The following ARHGAP10 variants were observed in gnomAD, a reference collection of about 807,000 sequenced individuals.
ARHGAP10 encodes the protein Rho GTPase activating protein 10.
In ARHGAP10, 87 loss-of-function variants were observed where a neutral mutation model predicts 108.6. That is an observed-to-expected ratio of 0.80 (90% CI 0.67 to 0.96). The LOEUF (loss-of-function observed/expected upper bound fraction) is 0.96. Ranked by LOEUF, ARHGAP10 falls within the 40% of genes least tolerant of loss-of-function variation. The probability of loss-of-function intolerance (pLI) is 0.00; values close to 1 mark genes in which losing one functional copy is unlikely to be tolerated. For synonymous variants in ARHGAP10, 347 were observed against 341.1 expected (o/e 1.02, Z -0.19); for missense variants, 939 against 954.5 (o/e 0.98, Z 0.21).
chr4:148,020,777 C>G (rs1741539246), intron 18 of ARHGAP10, among the ~76,000 whole-genome samples: 1 of 152,078 alleles, frequency 6.6e-6, no homozygotes. Context: ...ATCTTTATAA[C>G]AGAATGATTT....
chr4:147,879,729 G>A (rs1239307822), intron 9 of ARHGAP10, among the ~76,000 whole-genome samples: 1 of 148,418 alleles, frequency 6.7e-6, no homozygotes, highest in Non-Finnish European at 1.5e-5. Flanking sequence ...AGTGTGTGAT[G>A]TTCCCCTCCC....
At position 147,965,060 on chromosome 4, in the gene ARHGAP10, A is replaced by G. The variant is rs1347266292; in HGVS notation, c.1487A>G (p.His496Arg). The G allele has an allele frequency of 1.9e-6, 3 of 1,605,328 alleles. No homozygotes were observed. The highest frequency in any genetic ancestry group is 2.6e-6 in the Non-Finnish European group (3 of 1,175,838). ...CCAGAATCTCGTGTTAATGCGATCC[A>G]TTTCTTGGTACACAAACTGCCAGAG... is the stretch of plus-strand genomic sequence containing the variant. ...GSPESRVNAIHFLVHKLPEKN... is the reference protein window; with the variant it reads ...GSPESRVNAIRFLVHKLPEKN... Residue 496 changes from histidine (H) to arginine (R), a missense_variant, in exon 17 of 23, where the codon CAT becomes CGT. Coordinates refer to ENST00000336498, the MANE Select transcript of ARHGAP10 (RefSeq NM_024605.4).
At position 148,072,030 on chromosome 4, in the gene ARHGAP10, T is replaced by A; in HGVS notation, c.2310T>A (p.Thr770=). 1.9e-6 allele frequency: 3 copies of A among 1,613,780 alleles called. No individual in the cohort carries two copies. The change falls in exon 23 of 23, where the codon ACT becomes ACA. Residue 770 remains threonine (T), a synonymous_variant. Transcript: ENST00000336498. ...TSREPGWLEG[T]LNGKRGLIPQ... ...GGGAACCTGGCTGGCTAGAAGGGACTCTGAACGGCAAGAGGGGGCTGATTC... is the reference window on the plus strand; with the variant it reads ...GGGAACCTGGCTGGCTAGAAGGGACACTGAACGGCAAGAGGGGGCTGATTC...
chr4:147,806,431 TTAATA>T (rs1006476473), intron 1 of ARHGAP10, among the ~76,000 whole-genome samples: 3 of 151,460 alleles, frequency 2.0e-5, no homozygotes, highest in African/African-American at 7.3e-5. Context: ...TAATTCATTA[TTAATA>T]TAATCTGGCA....
chr4:148,010,730 C>T (rs1189629718), intron 18 of ARHGAP10, among the ~76,000 whole-genome samples: 2 of 152,106 alleles, frequency 1.3e-5, no homozygotes, highest in South Asian at 4.1e-4. Flanking sequence ...AACACATTGA[C>T]ATTAACTGGG....
chr4:147,958,615 C>A (rs1402359784), intron 16 of ARHGAP10, among the ~76,000 whole-genome samples: 3 of 152,144 alleles, frequency 2.0e-5, no homozygotes, highest in Non-Finnish European at 2.9e-5. Context: ...TGGCATGCCT[C>A]CCTCTTAGCT....
intron 19 of ARHGAP10, among the ~76,000 whole-genome samples, chr4:148,040,522 C>T (rs1578816797): frequency 6.6e-6 from 1 of 151,848 alleles, no homozygotes; most frequent in East Asian, 1.9e-4. Context: ...TTGTATTTTT[C>T]GTAGAGACTG....
rs1553958575 is a variant in ARHGAP10 at position 147,869,998 on chromosome 4, T to TTG, written c.702+3228_702+3229dup. Among the ~76,000 whole-genome samples, 326 of 93,080 alleles carry TTG rather than the reference T, an allele frequency of 3.5e-3. 3 individuals carry two copies. The highest frequency in any genetic ancestry group is 0.014 in the African/African-American group (314 of 22,762). The allele number at this position is 93,080 out of a possible 152,430, so 61.1% of individuals were successfully genotyped here. ...ACATATTGTTGAAAAAAGTCCCAGTTTGTGTGTGTGTGTGTGTGTGTGTGT... is the reference window on the plus strand; with the variant it reads ...ACATATTGTTGAAAAAAGTCCCAGTTTGTGTGTGTGTGTGTGTGTGTGTGTGT... On this transcript the variant is annotated intron_variant, in intron 7 of 22. Coordinates refer to ENST00000336498, the MANE Select transcript of ARHGAP10 (RefSeq NM_024605.4).
intron 18 of ARHGAP10, among the ~76,000 whole-genome samples, chr4:147,971,624 G>A (rs752772399): frequency 6.6e-5 from 10 of 152,202 alleles, no homozygotes; most frequent in Non-Finnish European, 1.2e-4. Context: ...GAGAAACACA[G>A]AGAGGAGGTA....
chr4:147,805,656 T>A (rs545772565), intron 1 of ARHGAP10, among the ~76,000 whole-genome samples: 1 of 152,256 alleles, frequency 6.6e-6, no homozygotes, highest in South Asian at 2.1e-4. Flanking sequence ...TAATAATTTA[T>A]AATTTAAATT....
At chr4:147,756,441 TC>T (rs1729374945) in intron 1 of ARHGAP10, among the ~76,000 whole-genome samples, 1 of 152,196 alleles carries the variant, frequency 6.6e-6, no homozygotes, top group South Asian at 2.1e-4. Flanking sequence ...AATCAGCAGG[TC>T]TTTGATGAGC....
At chr4:147,979,216 G>A (rs943585659) in intron 18 of ARHGAP10, among the ~76,000 whole-genome samples, 3 of 152,120 alleles carry the variant, frequency 2.0e-5, no homozygotes, top group African/African-American at 7.2e-5. Flanking sequence ...TCCATCTTTA[G>A]TTAATTTATT....
intron 18 of ARHGAP10, among the ~76,000 whole-genome samples, chr4:148,022,147 T>C (rs1578799207): frequency 6.6e-6 from 1 of 152,332 alleles, no homozygotes; most frequent in East Asian, 1.9e-4. Context: ...CTCACAGTGC[T>C]TTTTGTTTTT....
Position 147,965,068 on chromosome 4 carries a change from G to T in ARHGAP10, c.1495G>T (p.Val499Leu), listed in dbSNP as rs781711134. The part of the protein sequence containing the change: ...ESRVNAIHFL[V>L]HKLPEKNKEM... ...TCGTGTTAATGCGATCCATTTCTTG[G>T]TACACAAACTGCCAGAGAAGAATAA... Residue 499 changes from valine (V) to leucine (L), a missense_variant, in exon 17 of 23, where the codon GTA becomes TTA. Val to Leu is a conservative substitution (Grantham distance 32). Transcript: ENST00000336498. The T allele has an allele frequency of 1.9e-6, 3 of 1,607,138 alleles. No homozygotes were observed. The highest frequency in any genetic ancestry group is 2.5e-6 in the Non-Finnish European group (3 of 1,176,498).
chr4:148,005,584 C>G (rs1740913430), intron 18 of ARHGAP10, among the ~76,000 whole-genome samples: 1 of 152,120 alleles, frequency 6.6e-6, no homozygotes, highest in African/African-American at 2.4e-5. Context: ...TATTCTAGTT[C>G]TGTATCTCAG....
chr4:147,872,552 G>A (rs760935927), intron 7 of ARHGAP10, among the ~76,000 whole-genome samples: 4 of 152,184 alleles, frequency 2.6e-5, no homozygotes, highest in Non-Finnish European at 5.9e-5. Context: ...GGATGTCTGC[G>A]TGTAACTTTT....
At chr4:148,012,062 A>G (rs543830946) in intron 18 of ARHGAP10, among the ~76,000 whole-genome samples, 15 of 152,218 alleles carry the variant, frequency 9.9e-5, no homozygotes, top group Non-Finnish European at 1.3e-4. Flanking sequence ...AATTATTAGC[A>G]TGTCGACAGT....
At chr4:147,735,667 C>T (rs968610634) in intron 1 of ARHGAP10, among the ~76,000 whole-genome samples, 24 of 152,074 alleles carry the variant, frequency 1.6e-4, no homozygotes, top group African/African-American at 5.6e-4. Flanking sequence ...GGTTTAGAGA[C>T]AGTATCGCAC....
intron 3 of ARHGAP10, among the ~76,000 whole-genome samples, chr4:147,840,649 AT>A (rs1733376143): frequency 1.3e-5 from 2 of 152,262 alleles, no homozygotes; most frequent in South Asian, 4.1e-4. Flanking sequence ...TTAAGAGAAC[AT>A]TTTAGGAGAT....
Sources: allele counts gnomAD v4.1 joint callset (sites outside exome capture counted in the v4.1 genomes callset), GRCh38; gene constraint gnomAD v4.1.1; transcripts MANE v1.5; gene names NCBI Gene and HGNC (gene_info 2026-07-23, HGNC 2026-07-21).